FER: variants seen among roughly 807,000 people sequenced by gnomAD.
The protein encoded by FER is tyrosine-protein kinase Fer.
In FER, 63 loss-of-function variants were observed where a neutral mutation model predicts 111.0. That is an observed-to-expected ratio of 0.57 (90% CI 0.46 to 0.70). FER has a LOEUF of 0.70. FER is among the 30% of genes least tolerant of loss of function. The pLI is 0.00. For missense variants in FER, 914 were observed against 954.0 expected (o/e 0.96, Z 0.55); for synonymous variants, 327 against 313.9 (o/e 1.04, Z -0.44).
At position 108,812,443 on chromosome 5, in the gene FER, T is replaced by C. The variant is rs117083047; in HGVS notation, c.207+14054T>C. ...GCGTGGTATGTCGTTTTTCATCATA[T>C]ATTTGGTATATTTGAAGTGGGTTTT... On this transcript the variant is annotated intron_variant, in intron 3 of 19. Transcript: ENST00000281092. Among the ~76,000 whole-genome samples the C allele has an allele frequency of 3.9e-3, 599 of 152,318 alleles. 9 individuals are homozygous for C. In the East Asian group the frequency reaches 0.058, roughly 15 times the overall value.
chr5:108,993,028 G>A lies in FER; in HGVS notation c.1656+33681G>A, dbSNP rs1439816007. Among the ~76,000 whole-genome samples the A allele has an allele frequency of 1.1e-3, 160 of 150,270 alleles. 1 individual carries two copies. Among genetic ancestry groups the A allele is most frequent in the Non-Finnish European group, 1.9e-3 (129 of 67,560 alleles). On this transcript the variant is annotated intron_variant, in intron 13 of 19. Transcript: ENST00000281092. ...TCACTTCCTAGATGGGATGGCGGCC[G>A]GGCAGAGACGCTCCTCACTTTCCAG...
chr5:108,899,148 A>G (rs1019801400), intron 10 of FER, among the ~76,000 whole-genome samples: 1 of 151,910 alleles, frequency 6.6e-6, no homozygotes, highest in African/African-American at 2.4e-5. Context: ...AATATGAAGT[A>G]TTTAAACAAT....
intron 8 of FER, among the ~76,000 whole-genome samples, chr5:108,874,782 A>G (rs888446326): frequency 1.3e-5 from 2 of 152,150 alleles, no homozygotes; most frequent in Admixed American, 1.3e-4. Context: ...CAAATTACCA[A>G]TAGTACTTGG....
intron 17 of FER, among the ~76,000 whole-genome samples, chr5:109,122,922 T>C (rs1377568341): frequency 6.6e-6 from 1 of 152,152 alleles, no homozygotes; most frequent in South Asian, 2.1e-4. Context: ...CGGAATATCT[T>C]TTTTCATCCT....
chr5:108,914,075 T>A (rs144544924), intron 10 of FER, among the ~76,000 whole-genome samples: 3 of 152,148 alleles, frequency 2.0e-5, no homozygotes, highest in African/African-American at 7.2e-5. Context: ...TGTGTTCTGG[T>A]TACAGGGACT....
intron 16 of FER, among the ~76,000 whole-genome samples, chr5:109,058,882 A>G (rs911086184): frequency 5.6e-4 from 84 of 150,896 alleles, no homozygotes; most frequent in Admixed American, 5.0e-3. Context: ...ATAGGAGCCC[A>G]CCACCATGCC....
At chr5:108,872,831 T>A (rs1764727228) in intron 8 of FER, among the ~76,000 whole-genome samples, 2 of 152,210 alleles carry the variant, frequency 1.3e-5, no homozygotes, top group South Asian at 4.1e-4. Context: ...TTAACCTATC[T>A]CTTGATTTTG....
intron 10 of FER, among the ~76,000 whole-genome samples, chr5:108,920,091 T>C (rs1250656579): frequency 6.6e-6 from 1 of 152,118 alleles, no homozygotes; most frequent in Non-Finnish European, 1.5e-5. Context: ...TAGTTCTTTT[T>C]AGTTATGTAA....
chr5:108,814,540 T>C (rs949240604), intron 3 of FER, among the ~76,000 whole-genome samples: 8 of 152,198 alleles, frequency 5.3e-5, no homozygotes, highest in Non-Finnish European at 1.2e-4. Flanking sequence ...TTTTCTTAAT[T>C]ACTATATTTT....
intron 3 of FER, among the ~76,000 whole-genome samples, chr5:108,803,971 TG>T (rs1660057873): frequency 6.6e-6 from 1 of 152,202 alleles, no homozygotes; most frequent in Admixed American, 6.5e-5. Flanking sequence ...CCGCACAGAA[TG>T]TTTTTCCATT....
intron 13 of FER, among the ~76,000 whole-genome samples, chr5:108,976,006 TC>T (rs1761287785): frequency 6.6e-6 from 1 of 152,242 alleles, no homozygotes; most frequent in South Asian, 2.1e-4. Flanking sequence ...GATATGTATA[TC>T]TGGAATTTAG....
At chr5:108,828,059 A>G (rs929073240) in intron 3 of FER, among the ~76,000 whole-genome samples, 3 of 151,856 alleles carry the variant, frequency 2.0e-5, no homozygotes, top group Admixed American at 6.6e-5. Flanking sequence ...TTGTAGAGAC[A>G]CTGTCTTGCT....
At chr5:109,155,624 C>G (rs1169205807) in intron 17 of FER, among the ~76,000 whole-genome samples, 1 of 151,920 alleles carries the variant, frequency 6.6e-6, no homozygotes, top group East Asian at 1.9e-4. Context: ...AACTACAGCA[C>G]TAAAGTCTAC....
At chr5:108,946,247 T>C in intron 11 of FER, 25 bp downstream of exon 11, 2 of 1,532,378 alleles carry the variant, frequency 1.3e-6, no homozygotes, top group Non-Finnish European at 1.8e-6. Context: ...CTCTCTGTGC[T>C]ACTGAAAATG....
intron 9 of FER, among the ~76,000 whole-genome samples, chr5:108,893,215 G>T (rs554894532): frequency 1.8e-4 from 28 of 152,070 alleles, no homozygotes; most frequent in African/African-American, 6.8e-4. Flanking sequence ...AAAGTCATTG[G>T]TAGCTTGATG....
intron 17 of FER, among the ~76,000 whole-genome samples, chr5:109,122,565 T>C (rs1751119526): frequency 6.6e-6 from 1 of 152,018 alleles, no homozygotes; most frequent in Non-Finnish European, 1.5e-5. Flanking sequence ...TGAAACGTTC[T>C]GTAAATATCT....
intron 17 of FER, among the ~76,000 whole-genome samples, chr5:109,167,625 A>G (rs552536600): frequency 2.0e-5 from 3 of 152,338 alleles, no homozygotes; most frequent in African/African-American, 4.8e-5. Flanking sequence ...GACCCAAATT[A>G]CTTTGTAACT....
At chr5:109,172,057 A>G (rs1466645015) in intron 17 of FER, among the ~76,000 whole-genome samples, 1 of 152,180 alleles carries the variant, frequency 6.6e-6, no homozygotes, top group Admixed American at 6.5e-5. Flanking sequence ...TAGTTCAACC[A>G]TTGTGGAAGT....
intron 17 of FER, among the ~76,000 whole-genome samples, chr5:109,119,557 A>G (rs569859732): frequency 1.3e-5 from 2 of 152,044 alleles, no homozygotes; most frequent in East Asian, 3.9e-4. Flanking sequence ...CAATTCCTGG[A>G]TATCCTTGTT....
Sources: allele counts gnomAD v4.1 joint callset (sites outside exome capture counted in the v4.1 genomes callset), GRCh38; gene constraint gnomAD v4.1.1; transcripts MANE v1.5; gene names NCBI Gene and HGNC (gene_info 2026-07-23, HGNC 2026-07-21).